MGAT5: variants seen among roughly 807,000 people sequenced by gnomAD.
MGAT5 encodes alpha-1,6-mannosylglycoprotein 6-beta-N-acetylglucosaminyltransferase A.
MGAT5 carries 30 observed loss-of-function variants against 94.3 expected under a neutral mutation model. The ratio of observed to expected loss-of-function variants is 0.32; its 90% CI spans 0.24 to 0.43. The LOEUF (loss-of-function observed/expected upper bound fraction) is 0.43. Ranked by LOEUF, MGAT5 falls within the 20% of genes least tolerant of loss-of-function variation. The pLI, the probability that MGAT5 is intolerant of heterozygous loss-of-function variation, is 1.00. For synonymous variants in MGAT5, 310 were observed against 322.9 expected (o/e 0.96, Z 0.43); for missense variants, 691 against 905.5 (o/e 0.76, Z 3.04).
chr2:134,374,657 T>C (rs1345608559), intron 10 of MGAT5, among the ~76,000 whole-genome samples: 1 of 152,228 alleles, frequency 6.6e-6, no homozygotes, highest in Non-Finnish European at 1.5e-5. Context: ...CAGCGGTGGC[T>C]GTGCAGCCCT....
At chr2:134,390,809 C>T (rs905995120) in intron 10 of MGAT5, among the ~76,000 whole-genome samples, 1 of 151,382 alleles carries the variant, frequency 6.6e-6, no homozygotes, top group African/African-American at 2.4e-5. Context: ...CTGCAGAGTT[C>T]CTTTAACATA....
rs544819117 is a variant in MGAT5, at chr2:134,130,037, C to T, written c.-143+9746C>T. ...CCGCGGGCCCCGCACTCGGAGCGGC[C>T]GGCTGGGGCAGTGAGGGGCTTAGCA... On this transcript the variant is annotated intron_variant, in intron 1 of 16. Coordinates refer to the MGAT5 transcript ENST00000409645. Among the ~76,000 whole-genome samples the T allele has an allele frequency of 2.0e-3, 304 of 152,252 alleles. 1 individual carries two copies. Among genetic ancestry groups the T allele is most frequent in the African/African-American group, 6.8e-3 (283 of 41,568 alleles).
intron 1 of MGAT5, among the ~76,000 whole-genome samples, chr2:134,244,678 G>T (rs1007722688): frequency 1.3e-5 from 2 of 152,166 alleles, no homozygotes; most frequent in African/African-American, 4.8e-5. Flanking sequence ...CTGCATTCTA[G>T]TTACATGGGC....
chr2:134,380,945 A>G (rs1414244267), intron 10 of MGAT5, among the ~76,000 whole-genome samples: 3 of 152,210 alleles, frequency 2.0e-5, no homozygotes, highest in Admixed American at 6.5e-5. Context: ...AAATTCATAC[A>G]TAGTGCAGTG....
At chr2:134,214,992 C>G (rs1680401561) in intron 1 of MGAT5, among the ~76,000 whole-genome samples, 2 of 152,122 alleles carry the variant, frequency 1.3e-5, no homozygotes, top group Non-Finnish European at 2.9e-5. Context: ...CGCCTCAATC[C>G]TGACTGTTTT....
chr2:134,420,039 C>T (rs1009448599), intron 12 of MGAT5, among the ~76,000 whole-genome samples: 4 of 152,178 alleles, frequency 2.6e-5, no homozygotes, highest in Non-Finnish European at 4.4e-5. Flanking sequence ...CTGGTGTTTA[C>T]ATTGGGCCTT....
intron 10 of MGAT5, among the ~76,000 whole-genome samples, chr2:134,376,760 A>T (rs1262719453): frequency 6.6e-6 from 1 of 152,194 alleles, no homozygotes; most frequent in Non-Finnish European, 1.5e-5. Flanking sequence ...AAAATATTGA[A>T]TTAGCCTTGT....
intron 10 of MGAT5, among the ~76,000 whole-genome samples, chr2:134,388,384 T>A (rs1320336353): frequency 2.6e-5 from 4 of 152,092 alleles, no homozygotes; most frequent in Admixed American, 2.6e-4. Flanking sequence ...ATCTTATTCT[T>A]TCATTATTAA....
chr2:134,152,899 C>CTTTTTTTTTTTTTT (rs35135371), intron 1 of MGAT5, among the ~76,000 whole-genome samples: 1 of 117,292 alleles, frequency 8.5e-6, no homozygotes. Context: ...ATGGAGTCCA[C>CTTTTTTTTTTTTTT]TTTTTTTTTT....
chr2:134,259,032 A>G (rs1243764760), intron 1 of MGAT5, among the ~76,000 whole-genome samples: 1 of 152,234 alleles, frequency 6.6e-6, no homozygotes, highest in African/African-American at 2.4e-5. Context: ...TGGTGATTTG[A>G]AAAGAGACTT....
chr2:134,384,206 C>T (rs1403306292), intron 10 of MGAT5, among the ~76,000 whole-genome samples: 3 of 74,276 alleles, frequency 4.0e-5, no homozygotes, highest in Non-Finnish European at 2.8e-5. Flanking sequence ...ATTTATTATC[C>T]GGCCCTTGAA....
chr2:134,244,296 G>A (rs535071996), intron 1 of MGAT5, among the ~76,000 whole-genome samples: 1 of 149,916 alleles, frequency 6.7e-6, no homozygotes, highest in South Asian at 2.1e-4. Context: ...GACAATCCTA[G>A]CGTTTTTTGT....
intron 11 of MGAT5, among the ~76,000 whole-genome samples, chr2:134,407,687 A>C (rs552799890): frequency 2.6e-4 from 40 of 152,352 alleles, no homozygotes; most frequent in Admixed American, 7.8e-4. Flanking sequence ...CACAAGGAGC[A>C]TACAGGTATG....
intron 1 of MGAT5, among the ~76,000 whole-genome samples, chr2:134,142,033 C>G (rs1686682048): frequency 1.3e-5 from 2 of 152,102 alleles, no homozygotes; most frequent in South Asian, 4.1e-4. Flanking sequence ...CAGTGGTCCC[C>G]AAGGGAGAGC....
chr2:134,292,050 G>A lies in MGAT5; in HGVS notation c.406+21500G>A, dbSNP rs865916548. On this transcript the variant is annotated intron_variant, in intron 2 of 15. Coordinates refer to ENST00000281923, the MANE Select transcript of MGAT5 (RefSeq NM_002410.5). ...CCATTTTTTTTTTGTTTAGAGATGGGCATTTCTAATTTTTAAAAGGGTTGG... is the reference window on the plus strand; with the variant it reads ...CCATTTTTTTTTTGTTTAGAGATGGACATTTCTAATTTTTAAAAGGGTTGG... Among the ~76,000 whole-genome samples, 60 of 151,932 alleles carry A rather than the reference G, an allele frequency of 3.9e-4. 1 individual carries two copies. The highest frequency in any genetic ancestry group is 1.4e-3 in the African/African-American group (56 of 41,348).
At chr2:134,269,442 G>A (rs1179143399) in intron 1 of MGAT5, among the ~76,000 whole-genome samples, 1 of 152,106 alleles carries the variant, frequency 6.6e-6, no homozygotes, top group Non-Finnish European at 1.5e-5. Flanking sequence ...TTTTCCCCTG[G>A]CCCACTCCCA....
intron 1 of MGAT5, among the ~76,000 whole-genome samples, chr2:134,144,562 T>C (rs922570406): frequency 1.4e-4 from 21 of 152,112 alleles, no homozygotes; most frequent in Non-Finnish European, 2.4e-4. Context: ...CCAAACCATA[T>C]CACGCACTAA....
intron 12 of MGAT5, among the ~76,000 whole-genome samples, chr2:134,420,727 A>G (rs1307633249): frequency 6.6e-6 from 1 of 152,152 alleles, no homozygotes; most frequent in Non-Finnish European, 1.5e-5. Context: ...CAAACCCAAT[A>G]TTTCCTATTG....
intron 12 of MGAT5, among the ~76,000 whole-genome samples, chr2:134,417,781 T>A (rs1558871746): frequency 6.6e-6 from 1 of 152,132 alleles, no homozygotes; most frequent in Non-Finnish European, 1.5e-5. Flanking sequence ...TTGTATCATA[T>A]AGCAGTGGAT....
Sources: gnomAD v4.1 joint callset for allele counts (sites outside exome capture counted in the v4.1 genomes callset) on GRCh38, gnomAD v4.1.1 for gene constraint, MANE v1.5 for transcripts, NCBI Gene and HGNC (gene_info 2026-07-23, HGNC 2026-07-21) for gene names.